KIF1B: variants seen among roughly 807,000 people sequenced by gnomAD.
KIF1B encodes the protein kinesin family member 1B.
Under a neutral mutation model 241.9 loss-of-function variants are expected in KIF1B, and 76 were observed. The ratio of observed to expected loss-of-function variants is 0.31; its 90% confidence interval spans 0.26 to 0.38. The LOEUF is 0.38. Among genes scored for constraint, KIF1B ranks in the 10% least tolerant of loss-of-function variants. The pLI is 1.00. For missense variants in KIF1B, 1,622 were observed against 2,271.4 expected, an observed-to-expected ratio of 0.71 and a Z score of 5.81; for synonymous variants, 750 against 796.7, an observed-to-expected ratio of 0.94 and a Z score of 0.99.
Position 10,367,809 on chromosome 1 carries a change from A to G in KIF1B, c.4753-658A>G, listed in dbSNP as rs551690711. On this transcript the variant is annotated intron_variant, in intron 43 of 48. Transcript: ENST00000676179. Reference sequence around the variant, plus strand: ...AGTGGTATGATCTCAGCTCACTGCAACCTCCACTTCCCGGGTTCAAGTGAT... The same window carrying G: ...AGTGGTATGATCTCAGCTCACTGCAGCCTCCACTTCCCGGGTTCAAGTGAT... Among the ~76,000 whole-genome samples, 4 of 150,148 alleles carry G rather than the reference A, an allele frequency of 2.7e-5. 1 individual carries two copies. The South Asian group carries it at 6.4e-4, about 24-fold the overall frequency.
intron 19 of KIF1B, 145 bp downstream of exon 19, chr1:10,295,911 A>C (rs1650240841): frequency 1.3e-6 from 1 of 744,898 alleles, no homozygotes; most frequent in Admixed American, 2.2e-5. Context: ...GCTGCTTATG[A>C]ATGCAGAGAT....
In KIF1B at chr1:10,282,279, C is replaced by A. The variant is rs538438074; in HGVS notation, c.1223-43C>A. The A allele has an allele frequency of 4.8e-4, 722 of 1,492,962 alleles. 8 individuals are homozygous for A. The South Asian group carries it at 7.9e-3, about 16-fold the overall frequency. 92.5% of individuals were successfully genotyped at this position (1,492,962 alleles called of 1,614,324 possible). On this transcript the variant is annotated intron_variant, in intron 14 of 48. Coordinates refer to ENST00000676179, the MANE Select transcript of KIF1B (RefSeq NM_001365951.3). The stretch of plus-strand genomic sequence containing the variant: ...TTTTTTTCTTCCTCTGCTTCTTTCC[C>A]TTTTCCCTACTTTTCCTGCCTTCTC...
At chr1:10,211,321 C>G (rs999647411) in intron 1 of KIF1B, among the ~76,000 whole-genome samples, 2 of 152,224 alleles carry the variant, frequency 1.3e-5, no homozygotes, top group Non-Finnish European at 2.9e-5. Context: ...TGGTTATGCC[C>G]TTTGCCAGAT....
At chr1:10,357,807 G>A (rs1638294046) in intron 38 of KIF1B, among the ~76,000 whole-genome samples, 1 of 151,928 alleles carries the variant, frequency 6.6e-6, no homozygotes, top group Non-Finnish European at 1.5e-5. Context: ...TCAGGAGTTC[G>A]AGACCAGCCT....
intron 31 of KIF1B, among the ~76,000 whole-genome samples, chr1:10,339,491 A>AAG (rs1652308075): frequency 2.6e-5 from 4 of 152,216 alleles, no homozygotes; most frequent in Non-Finnish European, 5.9e-5. Flanking sequence ...AGAGGAGTTA[A>AAG]TTGAATGTAC....
At chr1:10,306,342 A>G (rs116705307) in intron 22 of KIF1B, 2 of 1,047,652 alleles carry the variant, frequency 1.9e-6, no homozygotes, top group East Asian at 5.6e-5. Flanking sequence ...GGCTGCTTCA[A>G]ATCAGTCACT....
intron 22 of KIF1B, among the ~76,000 whole-genome samples, chr1:10,319,122 A>G (rs983230459): frequency 6.7e-5 from 8 of 118,654 alleles, no homozygotes; most frequent in African/African-American, 2.4e-4. Context: ...TTTTTTTTTG[A>G]GACAGAGTCT....
intron 10 of KIF1B, 81 bp downstream of exon 10, chr1:10,273,112 A>G: frequency 2.9e-6 from 3 of 1,039,128 alleles, no homozygotes; most frequent in Non-Finnish European, 4.3e-6. Context: ...AGGCATAAGT[A>G]GGAATGGAAC....
intron 2 of KIF1B, among the ~76,000 whole-genome samples, chr1:10,236,831 G>GTT (rs1253843706): frequency 2.1e-5 from 3 of 142,156 alleles, no homozygotes; most frequent in African/African-American, 5.2e-5. Flanking sequence ...TTATTGGCTT[G>GTT]TTTTTTTTTT....
Position 10,334,583 on chromosome 1 carries a change from CA to C in KIF1B, c.2989del (p.Ser997ValfsTer55), listed in dbSNP as rs780439948. ...VPLIHRVAIV[S>X]EKGEVRGFLR... Reference sequence around the variant, plus strand: ...CCCTGATCCACAGGGTGGCCATCGTCAGTGAGAAAGGTGAAGTGCGGGGATT... The same window carrying C: ...CCCTGATCCACAGGGTGGCCATCGTCGTGAGAAAGGTGAAGTGCGGGGATT... On this transcript the variant is annotated frameshift_variant, in exon 28 of 49. Transcript: ENST00000676179. LOFTEE classifies it high-confidence loss of function. 1 of 1,614,046 alleles carries C rather than the reference CA, an allele frequency of 6.2e-7. No individual in the cohort carries two copies. The highest frequency in any genetic ancestry group is 1.1e-5 in the South Asian group (1 of 91,038).
chr1:10,372,659 CAGAGCTG>C (rs1451809195), intron 45 of KIF1B, among the ~76,000 whole-genome samples: 50 of 120,078 alleles, frequency 4.2e-4, no homozygotes, highest in Admixed American at 9.4e-4. Flanking sequence ...GCTTGGGTGA[CAGAGCTG>C]TCACCCAAGC....
intron 45 of KIF1B, among the ~76,000 whole-genome samples, chr1:10,371,545 C>T (rs748741633): frequency 2.6e-5 from 4 of 152,172 alleles, no homozygotes; most frequent in Non-Finnish European, 4.4e-5. Context: ...CTGCTTGTCT[C>T]CCCAGTCATA....
At chr1:10,263,743 G>A (rs1421382098) in intron 5 of KIF1B, among the ~76,000 whole-genome samples, 1 of 152,146 alleles carries the variant, frequency 6.6e-6, no homozygotes, top group Non-Finnish European at 1.5e-5. Context: ...GAGCTTACAG[G>A]TAATAAAAGA....
At chr1:10,341,861 C>G (rs988626773) in intron 32 of KIF1B, among the ~76,000 whole-genome samples, 189 bp from the exon 33 acceptor site, 1 of 151,774 alleles carries the variant, frequency 6.6e-6, no homozygotes. Context: ...GTCCTAGCTA[C>G]TCCGGAGGCT....
intron 1 of KIF1B, among the ~76,000 whole-genome samples, chr1:10,213,269 A>G (rs1349722065): frequency 6.6e-6 from 1 of 152,168 alleles, no homozygotes; most frequent in Non-Finnish European, 1.5e-5. Flanking sequence ...TTTTATGAGT[A>G]TGTGTAGCTC....
At chr1:10,272,973 C>T in intron 9 of KIF1B, 41 bp from the exon 10 acceptor site, 1 of 1,515,620 alleles carries the variant, frequency 6.6e-7, no homozygotes, top group African/African-American at 1.4e-5. Context: ...GGAGGCTTAT[C>T]CTGTGTTCTT....
intron 2 of KIF1B, 101 bp downstream of exon 2, chr1:10,232,535 C>T (rs1177498790): frequency 7.2e-6 from 6 of 833,532 alleles, no homozygotes; most frequent in Non-Finnish European, 1.2e-5. Context: ...TGTATGTTAA[C>T]ACTTTGAACT....
intron 27 of KIF1B, among the ~76,000 whole-genome samples, chr1:10,330,753 C>T (rs1420575536): frequency 6.6e-6 from 1 of 152,218 alleles, no homozygotes; most frequent in Admixed American, 6.5e-5. Context: ...AGTGGCCCAG[C>T]CCTCTGCAGA....
Position 10,380,465 on chromosome 1 carries a change from G to A in KIF1B, c.*3878G>A. 1 of 184,028 alleles carries A rather than the reference G, an allele frequency of 5.4e-6. No homozygotes were observed. Among genetic ancestry groups the A allele is most frequent in the East Asian group, 8.9e-5 (1 of 11,268 alleles). 11.4% of individuals were successfully genotyped at this position (184,028 alleles called of 1,614,324 possible). On this transcript the variant is annotated 3_prime_UTR_variant, in exon 49 of 49. Coordinates refer to ENST00000676179, the MANE Select transcript of KIF1B (RefSeq NM_001365951.3). Reference sequence around the variant, plus strand: ...TCACGCCTGTAATCCCAGCACATTGGGAGGCCAAGGCAGGTGGATCACCTG... The same window carrying A: ...TCACGCCTGTAATCCCAGCACATTGAGAGGCCAAGGCAGGTGGATCACCTG...
Sources: gnomAD v4.1 joint callset for allele counts (sites outside exome capture counted in the v4.1 genomes callset) on GRCh38, gnomAD v4.1.1 for gene constraint, MANE v1.5 for transcripts, NCBI Gene and HGNC (gene_info 2026-07-23, HGNC 2026-07-21) for gene names.